Variants in TMEM132C observed in about 807,000 individuals in gnomAD.
The protein encoded by TMEM132C is protein phosphatase 1, regulatory subunit 152.
TMEM132C carries 29 observed loss-of-function variants against 61.4 expected under a neutral mutation model. That is an observed-to-expected ratio of 0.47 (90% CI 0.35 to 0.64). TMEM132C has a LOEUF of 0.64. TMEM132C is among the 30% of genes least tolerant of loss of function. The pLI, the probability that TMEM132C is intolerant of heterozygous loss-of-function variation, is 0.00. For synonymous variants in TMEM132C, 656 were observed against 633.1 expected (o/e 1.04, Z -0.54); for missense variants, 1,408 against 1,476.9 (o/e 0.95, Z 0.76).
chr12:128,269,179 GA>G (rs1469571358), intron 1 of TMEM132C, among the ~76,000 whole-genome samples: 3 of 152,100 alleles, frequency 2.0e-5, no homozygotes, highest in Non-Finnish European at 4.4e-5. Context: ...TTGATAAAAT[GA>G]CTGAATGGGT....
chr12:128,515,454 G>A (rs555226810), intron 2 of TMEM132C, among the ~76,000 whole-genome samples: 11 of 152,206 alleles, frequency 7.2e-5, no homozygotes, highest in Non-Finnish European at 1.2e-4. Flanking sequence ...CTGAACTAAC[G>A]GTGGGATCAC....
intron 6 of TMEM132C, among the ~76,000 whole-genome samples, 176 bp from the exon 7 acceptor site, chr12:128,695,654 G>A (rs1392539206): frequency 2.0e-5 from 3 of 152,204 alleles, no homozygotes; most frequent in South Asian, 4.1e-4. Context: ...ATGTATTTGA[G>A]AAAGAGATGC....
intron 4 of TMEM132C, among the ~76,000 whole-genome samples, chr12:128,621,864 C>T (rs1393088800): frequency 6.6e-6 from 1 of 152,186 alleles, no homozygotes; most frequent in Non-Finnish European, 1.5e-5. Flanking sequence ...GTTGCACCAT[C>T]CCTGGCTTTT....
At chr12:128,701,016 C>T (rs955923338) in intron 8 of TMEM132C, among the ~76,000 whole-genome samples, 10 of 152,236 alleles carry the variant, frequency 6.6e-5, no homozygotes, top group African/African-American at 1.4e-4. Context: ...ACTCAGCCGC[C>T]GCCAAGGGCA....
intron 5 of TMEM132C, among the ~76,000 whole-genome samples, chr12:128,688,438 A>C (rs760859995): frequency 6.6e-6 from 1 of 152,148 alleles, no homozygotes; most frequent in Middle Eastern, 3.4e-3. Flanking sequence ...ATAGGCAAAG[A>C]CGGAAAAAAT....
rs145634608 is a variant in TMEM132C, at chr12:128,301,894, T to G, written c.85+34407T>G. Among the ~76,000 whole-genome samples, 1,353 of 152,272 alleles carry G rather than the reference T, an allele frequency of 8.9e-3. 9 individuals carry two copies. Among genetic ancestry groups the G allele is most frequent in the Middle Eastern group, 0.017 (5 of 294 alleles). On this transcript the variant is annotated intron_variant, in intron 1 of 8. Coordinates refer to ENST00000435159, the MANE Select transcript of TMEM132C (RefSeq NM_001136103.3). ...ATCATGGCGGAAGGCAAAAGGCACA[T>G]CTTACATGGTGGCAGATGAGAGAAA... is the stretch of plus-strand genomic sequence containing the variant.
intron 1 of TMEM132C, among the ~76,000 whole-genome samples, chr12:128,340,779 C>CTT (rs757874577): frequency 7.4e-6 from 1 of 134,556 alleles, no homozygotes; most frequent in African/African-American, 3.2e-5. Context: ...ATTTTTCTTT[C>CTT]TTTCTCTCTC....
chr12:128,333,601 ATTTG>A (rs377239817), intron 1 of TMEM132C, among the ~76,000 whole-genome samples: 2 of 149,962 alleles, frequency 1.3e-5, no homozygotes, highest in Admixed American at 6.7e-5. Flanking sequence ...TGTTGTGTGT[ATTTG>A]TTAGAGTGTG....
chr12:128,328,468 G>A (rs921789196), intron 1 of TMEM132C, among the ~76,000 whole-genome samples: 5 of 152,084 alleles, frequency 3.3e-5, no homozygotes, highest in African/African-American at 4.8e-5. Context: ...AGTTTGATGC[G>A]AAATTAACTG....
intron 1 of TMEM132C, among the ~76,000 whole-genome samples, chr12:128,363,424 A>C (rs1873765897): frequency 6.6e-6 from 1 of 152,134 alleles, no homozygotes; most frequent in Admixed American, 6.5e-5. Flanking sequence ...AATCTATGTA[A>C]CCGGCTTCAG....
At chr12:128,532,385 T>C (rs1325822488) in intron 2 of TMEM132C, among the ~76,000 whole-genome samples, 2 of 151,670 alleles carry the variant, frequency 1.3e-5, no homozygotes, top group Non-Finnish European at 2.9e-5. Context: ...ACACCTGTAA[T>C]CCCAGCATTT....
chr12:128,660,806 G>A (rs1353982132), intron 4 of TMEM132C, among the ~76,000 whole-genome samples: 2 of 152,246 alleles, frequency 1.3e-5, no homozygotes, highest in African/African-American at 4.8e-5. Flanking sequence ...GGTAATTACA[G>A]TAATAGGGAA....
chr12:128,426,396 G>A (rs1251630439), intron 2 of TMEM132C, among the ~76,000 whole-genome samples: 1 of 152,154 alleles, frequency 6.6e-6, no homozygotes, highest in Non-Finnish European at 1.5e-5. Flanking sequence ...CTGCAGGATC[G>A]AGTGGATTCC....
At chr12:128,515,147 A>G (rs2136122161) in intron 2 of TMEM132C, among the ~76,000 whole-genome samples, 1 of 152,372 alleles carries the variant, frequency 6.6e-6, no homozygotes, top group East Asian at 1.9e-4. Context: ...AGCAGCCATC[A>G]TGAATCACGT....
intron 2 of TMEM132C, among the ~76,000 whole-genome samples, chr12:128,524,838 G>A (rs552098518): frequency 6.6e-6 from 1 of 152,328 alleles, no homozygotes; most frequent in Admixed American, 6.5e-5. Flanking sequence ...CCACTCAGCT[G>A]AGAACTATGA....
Position 128,267,339 on chromosome 12 carries a change from G to T in TMEM132C, c.-64G>T, listed in dbSNP as rs1870339469. Reference sequence around the variant, plus strand: ...GGCCCCGGGCATGGGGCGGCCGGCGGGGGCCGCGGGCGGGCGCTGCGCTTC... The same window carrying T: ...GGCCCCGGGCATGGGGCGGCCGGCGTGGGCCGCGGGCGGGCGCTGCGCTTC... On this transcript the variant is annotated 5_prime_UTR_variant, in exon 1 of 9. Coordinates refer to ENST00000435159, the MANE Select transcript of TMEM132C (RefSeq NM_001136103.3). 1 of 968,448 alleles carries T rather than the reference G, an allele frequency of 1.0e-6. No individual in the cohort carries two copies. Among genetic ancestry groups the T allele is most frequent in the Admixed American group, 6.2e-5 (1 of 16,048 alleles). The allele number at this position is 968,448 out of a possible 1,614,324, so 60.0% of individuals were successfully genotyped here.
rs1448357849 is a variant in TMEM132C, at chr12:128,630,858, C to T, written c.1305+14523C>T. On this transcript the variant is annotated intron_variant, in intron 4 of 8. Transcript: ENST00000435159. This position sits in a 1 kb window ranked among gnomAD's most constrained non-coding sequence, Gnocchi z 4.3. ...GACCATCCTGGCCAACAGGGTGAAACCCATCTCTACTAAAAATACAAAAAT... is the reference window on the plus strand; with the variant it reads ...GACCATCCTGGCCAACAGGGTGAAATCCATCTCTACTAAAAATACAAAAAT... Among the ~76,000 whole-genome samples the T allele has an allele frequency of 6.6e-6, 1 of 152,140 alleles. No homozygotes were observed. The highest frequency in any genetic ancestry group is 2.4e-5 in the African/African-American group (1 of 41,418).
chr12:128,600,289 G>A (rs1056244825), intron 3 of TMEM132C, among the ~76,000 whole-genome samples: 2 of 152,170 alleles, frequency 1.3e-5, no homozygotes, highest in Non-Finnish European at 2.9e-5. Flanking sequence ...GCCAAGACCT[G>A]ATGGTTTTAT....
intron 5 of TMEM132C, among the ~76,000 whole-genome samples, chr12:128,691,118 A>G (rs112803513): frequency 8.5e-5 from 13 of 152,368 alleles, no homozygotes; most frequent in African/African-American, 3.1e-4. Context: ...GCTAAGTGCT[A>G]TGTGAGGGGT....
Sources: allele counts gnomAD v4.1 joint callset (sites outside exome capture counted in the v4.1 genomes callset), GRCh38; gene constraint gnomAD v4.1.1; non-coding constraint Gnocchi (gnomAD v3.1); transcripts MANE v1.5; gene names NCBI Gene and HGNC (gene_info 2026-07-23, HGNC 2026-07-21).